SLC26A8: variants seen among roughly 807,000 people sequenced by gnomAD.
SLC26A8 encodes the protein testis anion transporter 1.
A neutral mutation model predicts 105.0 loss-of-function variants in SLC26A8; 70 were observed. That is an observed-to-expected ratio of 0.67 (90% CI 0.55 to 0.81). The LOEUF (loss-of-function observed/expected upper bound fraction) is 0.81, where lower values mean the gene tolerates loss of function less well. Among genes scored for constraint, SLC26A8 ranks in the 40% least tolerant of loss-of-function variants. The pLI is 0.00. For synonymous variants in SLC26A8, 415 were observed against 438.3 expected (o/e 0.95, Z 0.66); for missense variants, 998 against 1,181.8 (o/e 0.84, Z 2.28).
intron 7 of SLC26A8, among the ~76,000 whole-genome samples, chr6:35,984,660 T>C (rs180717623): frequency 2.0e-5 from 3 of 152,182 alleles, no homozygotes; most frequent in Admixed American, 6.5e-5. Context: ...CACAAACCAA[T>C]CTGTCAGCCA....
At chr6:36,014,880 G>T (rs954033947) in intron 2 of SLC26A8, among the ~76,000 whole-genome samples, 1 of 151,582 alleles carries the variant, frequency 6.6e-6, no homozygotes, top group African/African-American at 2.4e-5. Context: ...TAAAAAAAAA[G>T]AAAAAAGAGA....
chr6:36,020,780 A>G (rs1762110186), intron 1 of SLC26A8, among the ~76,000 whole-genome samples: 1 of 152,216 alleles, frequency 6.6e-6, no homozygotes. Context: ...ATTCTTCCAC[A>G]TAAATGTAAA....
At chr6:35,978,786 T>C (rs1773147933) in intron 8 of SLC26A8, among the ~76,000 whole-genome samples, 1 of 151,804 alleles carries the variant, frequency 6.6e-6, no homozygotes, top group African/African-American at 2.4e-5. Flanking sequence ...GAGCTAAATA[T>C]CATTTTCTTC....
intron 5 of SLC26A8, among the ~76,000 whole-genome samples, chr6:35,996,696 G>A (rs1180391092): frequency 6.6e-5 from 10 of 152,070 alleles, no homozygotes; most frequent in Admixed American, 6.6e-4. Flanking sequence ...ACAGGCACAT[G>A]CTACCATGCC....
intron 8 of SLC26A8, among the ~76,000 whole-genome samples, chr6:35,978,758 C>A (rs1773146250): frequency 6.6e-6 from 1 of 151,696 alleles, no homozygotes; most frequent in East Asian, 1.9e-4. Context: ...AGAAAGAATT[C>A]ACTTTTAGCA....
At chr6:35,949,436 A>G (rs191569095) in intron 19 of SLC26A8, among the ~76,000 whole-genome samples, 87 of 150,020 alleles carry the variant, frequency 5.8e-4, no homozygotes, top group East Asian at 3.9e-3. Flanking sequence ...TCTCAAAAAT[A>G]AAAAAAAAAT....
chr6:35,957,177 G>A (rs1054564091), intron 16 of SLC26A8, among the ~76,000 whole-genome samples: 5 of 152,120 alleles, frequency 3.3e-5, no homozygotes, highest in East Asian at 1.9e-4. Flanking sequence ...AGCCAAGGTC[G>A]CACCATCCCA....
intron 9 of SLC26A8, among the ~76,000 whole-genome samples, chr6:35,976,153 C>T (rs576591160): frequency 6.6e-6 from 1 of 151,286 alleles, no homozygotes; most frequent in South Asian, 2.1e-4. Flanking sequence ...GGGCTGGGTG[C>T]GGTGGCTCAC....
At chr6:35,982,353 T>C in intron 7 of SLC26A8, 150 bp from the exon 8 acceptor site, 1 of 702,818 alleles carries the variant, frequency 1.4e-6, no homozygotes. Context: ...GAGAGAGGCA[T>C]GGCTAGTTCA....
At position 35,947,355 on chromosome 6, in the gene SLC26A8, C is replaced by G. The variant is rs79380949; in HGVS notation, c.2473-3015G>C. Among the ~76,000 whole-genome samples, 492 of 152,226 alleles carry G rather than the reference C, an allele frequency of 3.2e-3. 1 individual carries two copies. Among genetic ancestry groups the G allele is most frequent in the Non-Finnish European group, 5.8e-3 (394 of 68,000 alleles). On this transcript the variant is annotated intron_variant, in intron 19 of 19. Coordinates refer to ENST00000490799, the MANE Select transcript of SLC26A8 (RefSeq NM_052961.4). ...CACCACTAGTCTTAATAGAGACACACAGGATCCTTCTCATTAAATTCAGGA... is the reference window on the plus strand; with the variant it reads ...CACCACTAGTCTTAATAGAGACACAGAGGATCCTTCTCATTAAATTCAGGA...
At chr6:35,956,074 C>G (rs1338480048) in intron 16 of SLC26A8, among the ~76,000 whole-genome samples, 1 of 152,018 alleles carries the variant, frequency 6.6e-6, no homozygotes, top group East Asian at 1.9e-4. Context: ...AAATCTGTCT[C>G]TACAAAAAAT....
chr6:35,944,551 T>A (rs114987464), intron 19 of SLC26A8, among the ~76,000 whole-genome samples: 1,853 of 148,114 alleles, frequency 0.013, 33 homozygotes, highest in African/African-American at 0.038. Context: ...TAATAATAAT[T>A]ATTATTATTT....
rs1346725120 is a variant in SLC26A8 at position 36,019,656 on chromosome 6, G to T, written c.52C>A (p.Arg18=). 1.9e-6 allele frequency: 3 copies of T among 1,614,038 alleles called. No homozygotes were observed. The highest frequency in any genetic ancestry group is 1.7e-5 in the Admixed American group (1 of 60,010). Residue 18 remains arginine, a synonymous_variant, in exon 2 of 20, where the codon CGA becomes AGA. Transcript: ENST00000490799. ...AISGFSSKSR[R]NSFAYDVKRE... ...TTAACATCATATGCGAATGAGTTTCGCCTGGACTTAGAGCTGAAGCCAGAG... is the reference window on the plus strand; with the variant it reads ...TTAACATCATATGCGAATGAGTTTCTCCTGGACTTAGAGCTGAAGCCAGAG...
Position 35,962,578 on chromosome 6 carries a change from A to G in SLC26A8, c.1409T>C (p.Leu470Pro), listed in dbSNP as rs1772355570. Reference protein sequence around the residue: ...GIILSNVIPYLETISNLPSLW... With the variant: ...GIILSNVIPYPETISNLPSLW... ...GCTGGGTAGGTTAGAAATGGTTTCA[A>G]GGTAGGGAATGACGTTGCTCAGAAT... Residue 470 changes from leucine to proline, a missense_variant, in exon 12 of 20, where the codon CTT (leucine) becomes CCT (proline). Transcript: ENST00000490799. The G allele has an allele frequency of 6.2e-7, 1 of 1,614,158 alleles. No individual in the cohort carries two copies. Among genetic ancestry groups the G allele is most frequent in the African/African-American group, 1.3e-5 (1 of 75,032 alleles).
At position 36,013,886 on chromosome 6, in the gene SLC26A8, T is replaced by G. The variant is rs369935920; in HGVS notation, c.189-1514A>C. ...AACTATGGCATTACTATTGCTAAGGTAATTAATGCCAAATAAATATGACTT... is the reference window on the plus strand; with the variant it reads ...AACTATGGCATTACTATTGCTAAGGGAATTAATGCCAAATAAATATGACTT... On this transcript the variant is annotated intron_variant, in intron 2 of 19. Coordinates refer to ENST00000490799, the MANE Select transcript of SLC26A8 (RefSeq NM_052961.4). 7.9e-5 allele frequency among the ~76,000 whole-genome samples: 12 copies of G among 152,294 alleles called. 1 individual carries two copies. The Middle Eastern group carries it at 0.017, about 216-fold the overall frequency.
intron 11 of SLC26A8, among the ~76,000 whole-genome samples, chr6:35,965,986 G>A (rs1772502544): frequency 6.8e-6 from 1 of 147,862 alleles, no homozygotes; most frequent in Non-Finnish European, 1.5e-5. Flanking sequence ...GGGCAATAGA[G>A]GGAGACTCTC....
rs766060468 is a variant in SLC26A8 at position 35,955,288 on chromosome 6, T to A, written c.2096A>T (p.Asp699Val). ...SSRNSSPGLP[D>V]VAESQGRRSL... ...TCTCCTCCCCTGGCTTTCCGCCACA[T>A]CAGGCAGTCCTGGTGAGCTGTTTCT... The change falls in exon 17 of 20, where the codon GAT (aspartate) becomes GTT (valine). Residue 699 changes from aspartate to valine, a missense_variant. Transcript: ENST00000490799. The A allele has an allele frequency of 6.2e-7, 1 of 1,614,228 alleles. No homozygotes were observed. Among genetic ancestry groups the A allele is most frequent in the South Asian group, 1.1e-5 (1 of 91,084 alleles).
intron 11 of SLC26A8, among the ~76,000 whole-genome samples, chr6:35,967,110 C>T (rs962940196): frequency 2.1e-4 from 32 of 152,246 alleles, no homozygotes; most frequent in African/African-American, 7.2e-4. Context: ...ATCAGAGGAC[C>T]GCTTGCGTGT....
chr6:35,956,887 C>A (rs1273664143), intron 16 of SLC26A8, among the ~76,000 whole-genome samples: 1 of 150,802 alleles, frequency 6.6e-6, no homozygotes, highest in Non-Finnish European at 1.5e-5. Context: ...CCATTGCACT[C>A]CAGCCTGGGC....
Sources: allele counts gnomAD v4.1 joint callset (sites outside exome capture counted in the v4.1 genomes callset), GRCh38; gene constraint gnomAD v4.1.1; transcripts MANE v1.5; gene names NCBI Gene and HGNC (gene_info 2026-07-23, HGNC 2026-07-21).